ATXN7: variants seen among roughly 807,000 people sequenced by gnomAD.
ATXN7 encodes ataxin-7.
In ATXN7, 12 loss-of-function variants were observed where a neutral mutation model predicts 70.5. That is an observed-to-expected ratio of 0.17 (90% CI 0.11 to 0.28). The LOEUF is 0.28. ATXN7 is among the 10% of genes least tolerant of loss of function. The pLI is 1.00. For missense variants in ATXN7, 1,256 were observed against 1,131.7 expected (o/e 1.11, Z -1.58); for synonymous variants, 498 against 448.7 (o/e 1.11, Z -1.39).
chr3:63,960,687 G>A (rs369100174), intron 5 of ATXN7, among the ~76,000 whole-genome samples: 3 of 152,172 alleles, frequency 2.0e-5, no homozygotes, highest in East Asian at 3.8e-4. Flanking sequence ...ATTTACTTGA[G>A]CTTATGGATC....
At chr3:63,959,013 TC>T (rs1335000604) in intron 5 of ATXN7, among the ~76,000 whole-genome samples, 1 of 152,230 alleles carries the variant, frequency 6.6e-6, no homozygotes, top group African/African-American at 2.4e-5. Context: ...TAAGTTTGCT[TC>T]AAGAAGCTGG....
chr3:63,933,111 T>A (rs1382593718), intron 4 of ATXN7, among the ~76,000 whole-genome samples: 1 of 152,198 alleles, frequency 6.6e-6, no homozygotes, highest in East Asian at 1.9e-4. Context: ...AAAGAGGTAA[T>A]GTCAAAGTGC....
intron 2 of ATXN7, among the ~76,000 whole-genome samples, chr3:63,899,029 T>G (rs921810013): frequency 6.6e-6 from 1 of 151,708 alleles, no homozygotes; most frequent in African/African-American, 2.4e-5. Context: ...CTCTGATCAT[T>G]ACAAAAATAG....
At chr3:63,907,796 C>T (rs1419186724) in intron 2 of ATXN7, among the ~76,000 whole-genome samples, 1 of 152,076 alleles carries the variant, frequency 6.6e-6, no homozygotes. Context: ...AAAAATTCCT[C>T]AGCCGAAAGA....
At chr3:63,963,764 A>T (rs992294484) in intron 5 of ATXN7, among the ~76,000 whole-genome samples, 1 of 152,128 alleles carries the variant, frequency 6.6e-6, no homozygotes, top group South Asian at 2.1e-4. Flanking sequence ...CTCTATGGAC[A>T]TTCATTTTGT....
chr3:63,982,412 A>C lies in ATXN7; in HGVS notation c.979A>C (p.Asn327His). The change falls in exon 7 of 13, where the codon AAT becomes CAT. Residue 327 changes from asparagine (N) to histidine (H), a missense_variant. By Grantham distance (68) the Asn-to-His change is moderately conservative. Transcript: ENST00000674280. ...GGAAAAGAAACCTGAAGACAATTCC[A>C]ATAATAGGAAATTTTTAAATAAGAG... ...TLEKKPEDNS[N>H]NRKFLNKRLS... 1 of 1,611,154 alleles carries C rather than the reference A, an allele frequency of 6.2e-7. No homozygotes were observed. Among genetic ancestry groups the C allele is most frequent in the Non-Finnish European group, 8.5e-7 (1 of 1,177,734 alleles).
chr3:63,882,825 T>G (rs1702956516), intron 1 of ATXN7, among the ~76,000 whole-genome samples: 1 of 152,158 alleles, frequency 6.6e-6, no homozygotes, highest in Non-Finnish European at 1.5e-5. Flanking sequence ...AACACCTTAG[T>G]GAGGCAGTTT....
intron 1 of ATXN7, among the ~76,000 whole-genome samples, chr3:63,883,746 A>G (rs886605726): frequency 2.0e-5 from 3 of 152,188 alleles, no homozygotes; most frequent in Non-Finnish European, 2.9e-5. Flanking sequence ...ACACCAAGGA[A>G]GTATCATTTA....
intron 11 of ATXN7, among the ~76,000 whole-genome samples, chr3:63,995,062 C>T (rs1350931572): frequency 6.6e-6 from 1 of 152,200 alleles, no homozygotes; most frequent in African/African-American, 2.4e-5. Flanking sequence ...TCAGTGCCTT[C>T]TGTGTTTCCT....
At chr3:63,982,547 G>A in intron 7 of ATXN7, 102 bp downstream of exon 7, 1 of 1,081,350 alleles carries the variant, frequency 9.2e-7, no homozygotes, top group Non-Finnish European at 1.3e-6. Flanking sequence ...TTTTAAAACT[G>A]GTCAACTTCA....
At chr3:63,999,303 A>G (rs1025483574) in intron 12 of ATXN7, 147 bp from the exon 13 acceptor site, 73 of 662,316 alleles carry the variant, frequency 1.1e-4, no homozygotes, top group African/African-American at 9.2e-4. Flanking sequence ...AACAAAATCT[A>G]TAGCTGACTG....
intron 1 of ATXN7, among the ~76,000 whole-genome samples, chr3:63,869,866 T>C (rs1361930840): frequency 1.3e-5 from 2 of 152,248 alleles, no homozygotes; most frequent in Non-Finnish European, 2.9e-5. Flanking sequence ...AACATCTTGA[T>C]GACCTATTGG....
At chr3:63,967,311 C>G (rs1233429264) in intron 5 of ATXN7, among the ~76,000 whole-genome samples, 1 of 152,060 alleles carries the variant, frequency 6.6e-6, no homozygotes, top group African/African-American at 2.4e-5. Context: ...ACATATTTTA[C>G]AAATATGCAC....
intron 11 of ATXN7, among the ~76,000 whole-genome samples, chr3:63,993,536 A>C (rs75547833): frequency 0.022 from 3,335 of 151,826 alleles, 37 homozygotes; most frequent in Non-Finnish European, 0.034. Flanking sequence ...TTTTCCACCT[A>C]GCCCCCACAG....
In ATXN7 at chr3:64,002,557, G is replaced by A. The variant is rs1225178915; in HGVS notation, c.*3090G>A. 6.6e-6 allele frequency: 1 copy of A among 152,086 alleles called. No individual in the cohort carries two copies. The highest frequency in any genetic ancestry group is 1.9e-4 in the East Asian group (1 of 5,190). 9.4% of individuals were successfully genotyped at this position (152,086 alleles called of 1,614,324 possible). A position where few individuals can be genotyped will look rare whatever the true frequency, so the allele number is the denominator to read the frequency against. On this transcript the variant is annotated 3_prime_UTR_variant, in exon 13 of 13. Transcript: ENST00000674280. Reference sequence around the variant, plus strand: ...CAGCACATGTATGTTACTATGTGATGTGGTTTAAAACTAATGGAAAAAACT... The same window carrying A: ...CAGCACATGTATGTTACTATGTGATATGGTTTAAAACTAATGGAAAAAACT...
intron 8 of ATXN7, among the ~76,000 whole-genome samples, chr3:63,984,084 T>C (rs924031903): frequency 2.0e-5 from 3 of 152,104 alleles, no homozygotes; most frequent in African/African-American, 7.2e-5. Context: ...GAGTGGGAAA[T>C]TTTTAAGTGG....
rs1243503193 is a variant in ATXN7, at chr3:63,987,910, T to G, written c.1096-149T>G. 4 of 924,560 alleles carry G rather than the reference T, an allele frequency of 4.3e-6. No homozygotes were observed. The South Asian group carries it at 6.9e-5, about 16-fold the overall frequency. 57.3% of individuals were successfully genotyped at this position (924,560 alleles called of 1,614,324 possible). ...AGCTAGGGAGAAAATAATGGGCTCT[T>G]AAGGTTTTTAGCTTATCAAATGCTG... is the stretch of plus-strand genomic sequence containing the variant. On this transcript the variant is annotated intron_variant, in intron 8 of 12. Coordinates refer to ENST00000674280, the MANE Select transcript of ATXN7 (RefSeq NM_001377405.1).
chr3:63,967,289 A>G (rs967562269), intron 5 of ATXN7, among the ~76,000 whole-genome samples: 1 of 152,194 alleles, frequency 6.6e-6, no homozygotes, highest in African/African-American at 2.4e-5. Context: ...ACAAATGTGG[A>G]TATGAAATTA....
chr3:63,943,414 T>C (rs2074803341), intron 4 of ATXN7, among the ~76,000 whole-genome samples: 1 of 152,270 alleles, frequency 6.6e-6, no homozygotes, highest in South Asian at 2.1e-4. Flanking sequence ...CTGTGGTTAC[T>C]GGGGAGCAGG....
Sources: gnomAD v4.1 joint callset for allele counts (sites outside exome capture counted in the v4.1 genomes callset) on GRCh38, gnomAD v4.1.1 for gene constraint, MANE v1.5 for transcripts, NCBI Gene and HGNC (gene_info 2026-07-23, HGNC 2026-07-21) for gene names.